The following CCDC112 variants were observed in gnomAD, a reference collection of about 807,000 sequenced individuals.
The protein encoded by CCDC112 is coiled-coil domain-containing protein 112.
A neutral mutation model predicts 66.3 loss-of-function variants in CCDC112; 40 were observed. The ratio of observed to expected loss-of-function variants is 0.60; its 90% CI spans 0.47 to 0.79. The LOEUF is 0.79. CCDC112 is among the 30% of genes least tolerant of loss of function. The pLI, the probability that CCDC112 is intolerant of heterozygous loss-of-function variation, is 0.00. For missense variants in CCDC112, 659 were observed against 603.8 expected (o/e 1.09, Z -0.96); for synonymous variants, 214 against 197.2 (o/e 1.09, Z -0.71).
At chr5:115,296,035 T>C in intron 1 of CCDC112, 1 of 996,622 alleles carries the variant, frequency 1.0e-6, no homozygotes, top group Non-Finnish European at 1.2e-6. Flanking sequence ...TGCCACCAAT[T>C]ACTGAGCACA....
rs765210485 is a variant in CCDC112 at position 115,267,962 on chromosome 5, TAAAAA to T, written c.1548-49_1548-45del. 5.3e-6 allele frequency: 8 copies of T among 1,498,936 alleles called. No individual in the cohort carries two copies. In the Admixed American group the frequency reaches 1.4e-4, roughly 27 times the overall value. The allele number at this position is 1,498,936 out of a possible 1,614,324, so 92.9% of individuals were successfully genotyped here. ...AAGCAATTGTAAATATGTAGGAAAT[TAAAAA>T]GAAAAAAACCCTATCTGATTAAGTG... On this transcript the variant is annotated intron_variant, in intron 9 of 9. Coordinates refer to ENST00000379611, the MANE Select transcript of CCDC112 (RefSeq NM_001040440.3).
intron 1 of CCDC112, among the ~76,000 whole-genome samples, chr5:115,295,247 G>T (rs1561502278): frequency 6.6e-6 from 1 of 152,058 alleles, no homozygotes; most frequent in Non-Finnish European, 1.5e-5. Context: ...AACAACATTA[G>T]GCAACTCGCA....
chr5:115,281,359 TG>T (rs555985636), intron 2 of CCDC112, among the ~76,000 whole-genome samples: 145 of 152,048 alleles, frequency 9.5e-4, no homozygotes, highest in Non-Finnish European at 1.9e-3. Context: ...ATAAGACACA[TG>T]GGGGTAGACA....
At chr5:115,279,964 A>G (rs1749381694) in intron 2 of CCDC112, among the ~76,000 whole-genome samples, 196 bp from the exon 3 acceptor site, 1 of 152,326 alleles carries the variant, frequency 6.6e-6, no homozygotes, top group Middle Eastern at 3.4e-3. Context: ...ATTTCAATCA[A>G]ACACAACTAT....
intron 6 of CCDC112, among the ~76,000 whole-genome samples, chr5:115,274,723 G>A (rs1446786651): frequency 6.6e-6 from 1 of 152,032 alleles, no homozygotes; most frequent in Non-Finnish European, 1.5e-5. Context: ...TCTATTAATT[G>A]GGTAAAATTA....
At chr5:115,278,573 A>C (rs1749307002) in intron 3 of CCDC112, among the ~76,000 whole-genome samples, 1 of 152,176 alleles carries the variant, frequency 6.6e-6, no homozygotes, top group Non-Finnish European at 1.5e-5. Context: ...AAGTGACCTA[A>C]AATTTGCACA....
At chr5:115,288,470 T>C (rs1044435358) in intron 1 of CCDC112, among the ~76,000 whole-genome samples, 5 of 152,094 alleles carry the variant, frequency 3.3e-5, no homozygotes, top group Non-Finnish European at 7.4e-5. Context: ...ACACTAACAA[T>C]GTTATTAGGA....
intron 1 of CCDC112, among the ~76,000 whole-genome samples, chr5:115,286,484 G>A (rs756117268): frequency 6.6e-6 from 1 of 152,016 alleles, no homozygotes; most frequent in Non-Finnish European, 1.5e-5. Flanking sequence ...TCCATTATTT[G>A]GCCAAATTAA....
intron 1 of CCDC112, among the ~76,000 whole-genome samples, chr5:115,289,580 A>C (rs1340918666): frequency 6.6e-6 from 1 of 152,216 alleles, no homozygotes; most frequent in Non-Finnish European, 1.5e-5. Context: ...ATGAATCGCA[A>C]ATAAAAGCCA....
intron 1 of CCDC112, among the ~76,000 whole-genome samples, chr5:115,288,048 T>C (rs2964543): frequency 0.31 from 47,165 of 151,090 alleles, 7,755 homozygotes; most frequent in Middle Eastern, 0.53. Flanking sequence ...TGGTACCATA[T>C]TGGCTCGCTG....
intron 6 of CCDC112, 62 bp from the exon 7 acceptor site, chr5:115,271,688 T>G: frequency 2.0e-6 from 2 of 1,025,208 alleles, no homozygotes; most frequent in South Asian, 3.9e-5. Flanking sequence ...CCAAAAGTAT[T>G]TTAAAATACA....
In CCDC112 at chr5:115,268,877, C is replaced by A; in HGVS notation, c.1547+5G>T. On this transcript the variant is annotated splice_donor_5th_base_variant and intron_variant, in intron 9 of 9. Transcript: ENST00000379611. ...AAATGAACACCAATTCTAACTCTTT[C>A]TTACCTATGTGGGATATGTAGAAGT... The A allele has an allele frequency of 6.5e-7, 1 of 1,530,810 alleles. No homozygotes were observed. The highest frequency in any genetic ancestry group is 8.9e-7 in the Non-Finnish European group (1 of 1,126,234). 94.8% of individuals were successfully genotyped at this position (1,530,810 alleles called of 1,614,324 possible). A position where few individuals can be genotyped will look rare whatever the true frequency, so the allele number is the denominator to read the frequency against.
intron 1 of CCDC112, among the ~76,000 whole-genome samples, chr5:115,295,577 A>T (rs902367695): frequency 3.3e-5 from 5 of 152,168 alleles, no homozygotes; most frequent in Non-Finnish European, 5.9e-5. Flanking sequence ...CTTCAGGTTT[A>T]TATTGATCCA....
intron 2 of CCDC112, among the ~76,000 whole-genome samples, chr5:115,283,422 G>C (rs1749539472): frequency 6.6e-6 from 1 of 151,976 alleles, no homozygotes; most frequent in African/African-American, 2.4e-5. Context: ...TTAACATAAT[G>C]AAAATCTCAG....
chr5:115,291,662 A>G (rs1293158640), intron 1 of CCDC112, among the ~76,000 whole-genome samples: 1 of 152,156 alleles, frequency 6.6e-6, no homozygotes, highest in Non-Finnish European at 1.5e-5. Context: ...GTGTCCTTCT[A>G]TTTTAGCTTG....
In CCDC112 at chr5:115,296,538, G is replaced by C; in HGVS notation, c.6C>G (p.Ala2=). 6.6e-7 allele frequency: 1 copy of C among 1,505,232 alleles called. No homozygotes were observed. 93.2% of individuals were successfully genotyped at this position (1,505,232 alleles called of 1,614,324 possible). A position where few individuals can be genotyped will look rare whatever the true frequency, so the allele number is the denominator to read the frequency against. M[A]ALTTVVVAAA... is the part of the protein sequence containing the mutation. The stretch of plus-strand genomic sequence containing the variant: ...CCGCTACCACAACCGTCGTCAGTGC[G>C]GCCATGTTTACCCGCCGAGCTACTC... The change falls in exon 1 of 10, where the codon GCC becomes GCG. Residue 2 remains alanine (A), a synonymous_variant. Transcript: ENST00000379611.
At chr5:115,278,137 T>C (rs1333720510) in intron 3 of CCDC112, among the ~76,000 whole-genome samples, 1 of 152,192 alleles carries the variant, frequency 6.6e-6, no homozygotes, top group Non-Finnish European at 1.5e-5. Context: ...TGTTGAACTT[T>C]AGGTCATGAA....
At chr5:115,292,116 G>A (rs1749958819) in intron 1 of CCDC112, among the ~76,000 whole-genome samples, 1 of 151,716 alleles carries the variant, frequency 6.6e-6, no homozygotes. Context: ...TTCTTTCTGG[G>A]ACTCTCATTA....
intron 8 of CCDC112, 93 bp from the exon 9 acceptor site, chr5:115,269,093 T>G (rs1748895329): frequency 6.4e-6 from 4 of 624,824 alleles, no homozygotes; most frequent in Non-Finnish European, 5.4e-6. Context: ...TTAAAAGACA[T>G]AGTTGATATT....
Sources: allele counts gnomAD v4.1 joint callset (sites outside exome capture counted in the v4.1 genomes callset), GRCh38; gene constraint gnomAD v4.1.1; transcripts MANE v1.5; gene names NCBI Gene and HGNC (gene_info 2026-07-23, HGNC 2026-07-21).